Variants in PREX1 observed in about 807,000 individuals in gnomAD.
The protein encoded by PREX1 is phosphatidylinositol-3,4,5-trisphosphate dependent Rac exchange factor 1, also known as phosphatidylinositol 3,4,5-trisphosphate-dependent Rac exchanger 1 protein.
A neutral mutation model predicts 198.3 loss-of-function variants in PREX1; 41 were observed. That is an observed-to-expected ratio of 0.21 (90% CI 0.16 to 0.27). The LOEUF is 0.27. Among genes scored for constraint, PREX1 ranks in the 10% least tolerant of loss-of-function variants. The probability of loss-of-function intolerance (pLI) is 1.00; values close to 1 mark genes in which losing one functional copy is unlikely to be tolerated. For missense variants in PREX1, 1,620 were observed against 2,200.7 expected, an observed-to-expected ratio of 0.74 and a Z score of 5.28; for synonymous variants, 843 against 887.2, an observed-to-expected ratio of 0.95 and a Z score of 0.89.
chr20:48,627,900 G>C lies in PREX1; in HGVS notation c.4830C>G (p.Pro1610=). ...AILARSHGLL[P]KCIMQATDIM... is the part of the protein sequence containing the mutation. ...TGTCCGTGGCCTGCATGATGCACTTGGGCAGCAACCCGTGGCTCCGTGCCA... is the reference window on the plus strand; with the variant it reads ...TGTCCGTGGCCTGCATGATGCACTTCGGCAGCAACCCGTGGCTCCGTGCCA... The change falls in exon 38 of 40, where the codon CCC becomes CCG. Residue 1610 remains proline, a synonymous_variant. Transcript: ENST00000371941. 1 of 1,613,084 alleles carries C rather than the reference G, an allele frequency of 6.2e-7. No individual in the cohort carries two copies. The highest frequency in any genetic ancestry group is 8.5e-7 in the Non-Finnish European group (1 of 1,179,924).
chr20:48,691,241 C>T lies in PREX1; in HGVS notation c.1037-145G>A, dbSNP rs187685877. The stretch of plus-strand genomic sequence containing the variant: ...AGCTGGACTTCCAGCCCTTCAAACG[C>T]TCACTTCTTATCCTTTTCCAGTGGG... On this transcript the variant is annotated intron_variant, in intron 8 of 39. Transcript: ENST00000371941. This position sits in a 1 kb window ranked among gnomAD's most constrained non-coding sequence, Gnocchi z 5.0. 94 of 1,018,594 alleles carry T rather than the reference C, an allele frequency of 9.2e-5. No homozygotes were observed. In the African/African-American group the frequency reaches 1.4e-3, roughly 15 times the overall value. 63.1% of individuals were successfully genotyped at this position (1,018,594 alleles called of 1,614,324 possible).
At chr20:48,645,059 G>C (rs2089440488) in intron 26 of PREX1, among the ~76,000 whole-genome samples, 1 of 152,260 alleles carries the variant, frequency 6.6e-6, no homozygotes, top group African/African-American at 2.4e-5. Context: ...CTATGGACAT[G>C]AGGCTCTGGG....
chr20:48,649,156 C>A (rs2089472514), intron 25 of PREX1, 144 bp downstream of exon 25: 1 of 1,230,092 alleles, frequency 8.1e-7, no homozygotes, highest in Non-Finnish European at 1.1e-6. Flanking sequence ...AGTGGATAGA[C>A]GAAAAAGATA....
chr20:48,627,679 G>T, intron 38 of PREX1, 64 bp from the exon 39 acceptor site: 3 of 1,511,962 alleles, frequency 2.0e-6, no homozygotes, highest in African/African-American at 1.4e-5. Flanking sequence ...AAGCACACTG[G>T]GGGGTGGGGG....
chr20:48,846,791 A>AGGAGAGG, the PREX1 span, among the ~76,000 whole-genome samples: 1 of 152,200 alleles, frequency 6.6e-6, no homozygotes, highest in South Asian at 2.1e-4. Context: ...CTCGGGGACC[A>AGGAGAGG]GAGGGCCAGG....
chr20:48,877,424 C>A, the PREX1 span, among the ~76,000 whole-genome samples: 2 of 152,212 alleles, frequency 1.3e-5, no homozygotes, highest in Non-Finnish European at 2.9e-5. Flanking sequence ...TTTTTCTGCA[C>A]TCTTTGTGCC....
intron 33 of PREX1, among the ~76,000 whole-genome samples, chr20:48,634,356 A>C (rs561133733): frequency 6.6e-6 from 1 of 152,328 alleles, no homozygotes; most frequent in South Asian, 2.1e-4. Flanking sequence ...TATGGTACTT[A>C]TTTAAGCCCT....
intron 1 of PREX1, among the ~76,000 whole-genome samples, chr20:48,766,049 T>C (rs1049965193): frequency 6.6e-6 from 1 of 152,196 alleles, no homozygotes; most frequent in Non-Finnish European, 1.5e-5. Flanking sequence ...GATCTGTCAC[T>C]GTCTCCCATC....
chr20:48,639,151 G>A (rs2089389016), intron 30 of PREX1, among the ~76,000 whole-genome samples: 2 of 152,242 alleles, frequency 1.3e-5, no homozygotes, highest in Admixed American at 1.3e-4. Context: ...GCCACAGGGA[G>A]TGGTGGAGAC....
At chr20:48,782,884 T>G (rs2090296137) in intron 1 of PREX1, among the ~76,000 whole-genome samples, 1 of 152,126 alleles carries the variant, frequency 6.6e-6, no homozygotes. Flanking sequence ...AGTGTCATAG[T>G]CTAAGGTGGG....
chr20:48,657,207 G>T lies in PREX1; in HGVS notation c.1975-19C>A. 1 of 1,612,098 alleles carries T rather than the reference G, an allele frequency of 6.2e-7. No homozygotes were observed. The stretch of plus-strand genomic sequence containing the variant: ...CAGCCACCTGGGTAGGGACGGCAGA[G>T]GACAGACGTGCACACCAGTTACTAA... On this transcript the variant is annotated intron_variant, in intron 17 of 39. Transcript: ENST00000371941.
intron 1 of PREX1, among the ~76,000 whole-genome samples, chr20:48,804,761 T>A (rs887191847): frequency 3.9e-5 from 6 of 152,142 alleles, no homozygotes; most frequent in Admixed American, 2.6e-4. Context: ...AGTGGCCGGA[T>A]CCTGGCTGCT....
At chr20:48,677,182 C>T (rs1368256760) in intron 13 of PREX1, among the ~76,000 whole-genome samples, 2 of 152,220 alleles carry the variant, frequency 1.3e-5, no homozygotes, top group African/African-American at 2.4e-5. Flanking sequence ...CCAGCCGCTT[C>T]CTTCTTTGAG....
intron 3 of PREX1, among the ~76,000 whole-genome samples, chr20:48,742,935 CTT>C (rs1020083135): frequency 3.3e-5 from 5 of 152,182 alleles, no homozygotes; most frequent in Admixed American, 6.5e-5. Context: ...GACAGTGCAC[CTT>C]GAGGACCCTT....
intron 15 of PREX1, among the ~76,000 whole-genome samples, chr20:48,665,021 G>A (rs556433125): frequency 2.9e-5 from 4 of 140,152 alleles, no homozygotes; most frequent in South Asian, 2.3e-4. Context: ...GACTCCAGAC[G>A]GCCTGAATTC....
At chr20:48,739,627 C>T (rs979750219) in intron 3 of PREX1, among the ~76,000 whole-genome samples, 5 of 152,156 alleles carry the variant, frequency 3.3e-5, no homozygotes, top group African/African-American at 9.7e-5. Context: ...ACCTACGAGC[C>T]GCGTGGCAGC....
At position 48,658,871 on chromosome 20, in the gene PREX1, C is replaced by T. The variant is rs533912366; in HGVS notation, c.1882-643G>A. ...TCATAAAGAGTGGAGGAACATGCTC[C>T]AGGCAGCAGACACAGCACGTACAAA... On this transcript the variant is annotated intron_variant, in intron 16 of 39. Transcript: ENST00000371941. Among the ~76,000 whole-genome samples the T allele has an allele frequency of 2.0e-5, 3 of 152,044 alleles. No individual in the cohort carries two copies. In the South Asian group the frequency reaches 6.2e-4, roughly 32 times the overall value.
Position 48,734,570 on chromosome 20 carries a change from G to A in PREX1, c.495C>T (p.Ile165=). 6 of 1,614,132 alleles carry A rather than the reference G, an allele frequency of 3.7e-6. No individual in the cohort carries two copies. Among genetic ancestry groups the A allele is most frequent in the Non-Finnish European group, 5.1e-6 (6 of 1,179,978 alleles). ...CCAAAAGGAAGGCGCGCACGGTAGG[G>A]ATCTTGTTCAGCTCCACCAGCAGCC... is the stretch of plus-strand genomic sequence containing the variant. ...ALRLLVELNK[I]PTVRAFLLSC... is the part of the protein sequence containing the mutation. Residue 165 remains isoleucine, a synonymous_variant, in exon 4 of 40, where the codon ATC becomes ATT. Coordinates refer to ENST00000371941, the MANE Select transcript of PREX1 (RefSeq NM_020820.4).
At chr20:48,680,333 T>C (rs1251282933) in intron 11 of PREX1, among the ~76,000 whole-genome samples, 1 of 152,184 alleles carries the variant, frequency 6.6e-6, no homozygotes, top group Non-Finnish European at 1.5e-5. Context: ...GGCTCCCTGC[T>C]GTCACCCTTG....
Sources: gnomAD v4.1 joint callset for allele counts (sites outside exome capture counted in the v4.1 genomes callset) on GRCh38, gnomAD v4.1.1 for gene constraint, Gnocchi (gnomAD v3.1) non-coding constraint, MANE v1.5 for transcripts, NCBI Gene and HGNC (gene_info 2026-07-23, HGNC 2026-07-21) for gene names.